Variants in HEG1 observed in about 807,000 individuals in gnomAD.
HEG1 encodes the protein protein HEG homolog 1.
Under a neutral mutation model 125.6 loss-of-function variants are expected in HEG1, and 56 were observed. That is an observed-to-expected ratio of 0.45 (90% CI 0.36 to 0.56). HEG1 has a LOEUF of 0.56. Ranked by LOEUF, HEG1 falls within the 20% of genes least tolerant of loss-of-function variation. The pLI is 0.00. For synonymous variants in HEG1, 644 were observed against 668.5 expected (o/e 0.96, Z 0.57); for missense variants, 1,523 against 1,670.0 (o/e 0.91, Z 1.53).
chr3:124,995,495 T>C (rs1228699822), intron 12 of HEG1, among the ~76,000 whole-genome samples: 1 of 152,260 alleles, frequency 6.6e-6, no homozygotes. Context: ...CATAGAGACT[T>C]GCTAATGTAT....
chr3:125,019,351 G>A lies in HEG1; in HGVS notation c.1499C>T (p.Thr500Ile). ...DSTVQSGGSH[T>I]ALGDRSYSES... ...TGAATAACTCCTATCTCCCAATGCT[G>A]TGTGACTTCCTCCAGACTGTACAGT... The change falls in exon 5 of 17, where the codon ACA (threonine) becomes ATA (isoleucine). Residue 500 changes from threonine (T) to isoleucine (I), a missense_variant. Transcript: ENST00000311127. 6.2e-7 allele frequency: 1 copy of A among 1,614,032 alleles called. No homozygotes were observed.
chr3:124,992,006 T>C (rs937906034), intron 12 of HEG1, among the ~76,000 whole-genome samples: 6 of 152,200 alleles, frequency 3.9e-5, no homozygotes, highest in Admixed American at 3.3e-4. Context: ...CACAAAGACA[T>C]ATGGCTCCCC....
chr3:124,994,317 C>G (rs1273488281), intron 12 of HEG1, among the ~76,000 whole-genome samples: 2 of 152,194 alleles, frequency 1.3e-5, no homozygotes, highest in Admixed American at 6.5e-5. Flanking sequence ...AGCCCGGTTC[C>G]TAACAGACCA....
At chr3:125,015,851 C>T (rs1247276601) in intron 5 of HEG1, among the ~76,000 whole-genome samples, 1 of 152,132 alleles carries the variant, frequency 6.6e-6, no homozygotes, top group African/African-American at 2.4e-5. Flanking sequence ...ACATTCCCAG[C>T]CCAGACTGGC....
intron 5 of HEG1, among the ~76,000 whole-genome samples, chr3:125,017,301 C>T (rs145920764): frequency 0.016 from 2,417 of 152,274 alleles, 64 homozygotes; most frequent in African/African-American, 0.053. Flanking sequence ...GTGATTCACC[C>T]GCCTTGACCT....
chr3:125,002,156 G>C, intron 10 of HEG1, 101 bp downstream of exon 10: 1 of 1,500,812 alleles, frequency 6.7e-7, no homozygotes, highest in Non-Finnish European at 9.2e-7. Flanking sequence ...ATTGCCCCAT[G>C]GCTGGGTGAA....
rs76873160 is a variant in HEG1, at chr3:124,968,677, C to T, written c.*1975G>A. On this transcript the variant is annotated 3_prime_UTR_variant, in exon 17 of 17. Coordinates refer to ENST00000311127, the MANE Select transcript of HEG1 (RefSeq NM_020733.2). Reference sequence around the variant, plus strand: ...TAGCCTCCCTACATGGCTCTTCCCACAGCTGCGGGTTCTGGGGGTGAGCAG... The same window carrying T: ...TAGCCTCCCTACATGGCTCTTCCCATAGCTGCGGGTTCTGGGGGTGAGCAG... 2,598 of 152,280 alleles carry T rather than the reference C, an allele frequency of 0.017. 36 individuals carry two copies. Among genetic ancestry groups the T allele is most frequent in the South Asian group, 0.033 (159 of 4,820 alleles). The allele number at this position is 152,280 out of a possible 1,614,324, so 9.4% of individuals were successfully genotyped here.
rs2107700581 is a variant in HEG1, at chr3:125,012,909, A to C, written c.2670T>G (p.Val890=). The C allele has an allele frequency of 6.2e-7, 1 of 1,613,970 alleles. No individual in the cohort carries two copies. The highest frequency in any genetic ancestry group is 2.2e-5 in the East Asian group (1 of 44,884). ...TGCCACCTTCTGTTGAGATTTGAGG[A>C]ACTAGTATTTCAGGATGGGTCAGCG... The part of the protein sequence containing the change: ...QLSLTHPEIL[V]PQISTEGGIS... The change falls in exon 6 of 17, where the codon GTT becomes GTG. Residue 890 remains valine (V), a synonymous_variant. Coordinates refer to ENST00000311127, the MANE Select transcript of HEG1 (RefSeq NM_020733.2).
chr3:125,047,638 G>T (rs1049723781), intron 1 of HEG1, among the ~76,000 whole-genome samples: 1 of 152,196 alleles, frequency 6.6e-6, no homozygotes, highest in Non-Finnish European at 1.5e-5. Flanking sequence ...AGTGGCCAGG[G>T]AGGTTGCAGG....
intron 1 of HEG1, among the ~76,000 whole-genome samples, chr3:125,037,930 C>A (rs1458732839): frequency 6.6e-6 from 1 of 152,224 alleles, no homozygotes; most frequent in Non-Finnish European, 1.5e-5. Flanking sequence ...TTAACAGCAT[C>A]TCCCTCACTG....
At chr3:125,007,470 A>AT (rs1034599093) in intron 8 of HEG1, among the ~76,000 whole-genome samples, 4 of 152,164 alleles carry the variant, frequency 2.6e-5, no homozygotes, top group African/African-American at 7.2e-5. Context: ...TATCTAAATG[A>AT]TTTTTTTGGG....
intron 1 of HEG1, among the ~76,000 whole-genome samples, chr3:125,047,382 C>T (rs147430945): frequency 0.013 from 1,993 of 152,344 alleles, 14 homozygotes; most frequent in Non-Finnish European, 0.019. Context: ...CTCCATTCTG[C>T]GCAGGGCTCT....
intron 1 of HEG1, among the ~76,000 whole-genome samples, chr3:125,031,447 T>C (rs971191010): frequency 6.6e-6 from 1 of 152,198 alleles, no homozygotes; most frequent in Admixed American, 6.5e-5. Context: ...TTGTCACTGA[T>C]TACGTGACTC....
chr3:125,034,361 A>C (rs963245325), intron 1 of HEG1, among the ~76,000 whole-genome samples: 1 of 152,230 alleles, frequency 6.6e-6, no homozygotes, highest in African/African-American at 2.4e-5. Context: ...CATTAGAAAA[A>C]ATTTTTTTAA....
chr3:125,046,534 G>A (rs1285980896), intron 1 of HEG1, among the ~76,000 whole-genome samples: 1 of 152,024 alleles, frequency 6.6e-6, no homozygotes, highest in Non-Finnish European at 1.5e-5. Context: ...AGCTCCCAAA[G>A]TGCTGGGTTT....
chr3:124,989,146 GGGTGCA>G (rs1448838632), intron 14 of HEG1, among the ~76,000 whole-genome samples: 1 of 152,154 alleles, frequency 6.6e-6, no homozygotes, highest in Non-Finnish European at 1.5e-5. Flanking sequence ...GCACCATGCT[GGGTGCA>G]CCAAGAGAGT....
At chr3:125,054,246 G>A (rs1452265335) in intron 1 of HEG1, among the ~76,000 whole-genome samples, 1 of 152,180 alleles carries the variant, frequency 6.6e-6, no homozygotes, top group Non-Finnish European at 1.5e-5. Context: ...AGTCACTCCG[G>A]GATGTGTCTC....
At chr3:124,980,539 C>T (rs776281543) in intron 14 of HEG1, among the ~76,000 whole-genome samples, 1 of 151,920 alleles carries the variant, frequency 6.6e-6, no homozygotes, top group Non-Finnish European at 1.5e-5. Context: ...TTTATTTTTA[C>T]AGACTCTGGC....
intron 1 of HEG1, among the ~76,000 whole-genome samples, chr3:125,046,991 C>A (rs1937681797): frequency 6.6e-6 from 1 of 152,248 alleles, no homozygotes; most frequent in Admixed American, 6.5e-5. Flanking sequence ...TTCATCTGGT[C>A]TCCTCAGATG....
Sources: allele counts gnomAD v4.1 joint callset (sites outside exome capture counted in the v4.1 genomes callset), GRCh38; gene constraint gnomAD v4.1.1; transcripts MANE v1.5; gene names NCBI Gene and HGNC (gene_info 2026-07-23, HGNC 2026-07-21).